Variants in ARHGAP42 observed in about 807,000 individuals in gnomAD.
The protein encoded by ARHGAP42 is Rho GTPase activating protein 42.
A neutral mutation model predicts 125.0 loss-of-function variants in ARHGAP42; 63 were observed. That is an observed-to-expected ratio of 0.50 (90% confidence interval 0.41 to 0.62). The LOEUF (loss-of-function observed/expected upper bound fraction) is 0.62. Among genes scored for constraint, ARHGAP42 ranks in the 20% least tolerant of loss-of-function variants. The pLI, the probability that ARHGAP42 is intolerant of heterozygous loss-of-function variation, is 0.00. For missense variants in ARHGAP42, 766 were observed against 1,024.2 expected, an observed-to-expected ratio of 0.75 and a Z score of 3.44; for synonymous variants, 339 against 351.0, an observed-to-expected ratio of 0.97 and a Z score of 0.38.
At position 100,976,141 on chromosome 11, in the gene ARHGAP42, C is replaced by T; in HGVS notation, c.1940C>T (p.Thr647Ile). The change falls in exon 20 of 24, where the codon ACT becomes ATT. Residue 647 changes from threonine to isoleucine, a missense_variant. This residue lies in a region of ARHGAP42 where 308 missense variants were observed against 369.7 expected (regional missense o/e 0.83). Coordinates refer to ENST00000298815, the MANE Select transcript of ARHGAP42 (RefSeq NM_152432.4). Reference sequence around the variant, plus strand: ...TCTCATTCCTCTGAACAAAATAGCACTACAAAGTCAGCTTCCTGCCAGCCC... The same window carrying T: ...TCTCATTCCTCTGAACAAAATAGCATTACAAAGTCAGCTTCCTGCCAGCCC... ...LSSHSSEQNSTTKSASCQPRE... is the reference protein window; with the variant it reads ...LSSHSSEQNSITKSASCQPRE... 6.4e-7 allele frequency: 1 copy of T among 1,551,656 alleles called. No homozygotes were observed. The highest frequency in any genetic ancestry group is 8.7e-7 in the Non-Finnish European group (1 of 1,146,856).
rs1861903204 is a variant in ARHGAP42 at position 100,728,713 on chromosome 11, C to CATAT, written c.154+40881_154+40882insATAT. Among the ~76,000 whole-genome samples, 96 of 95,292 alleles carry CATAT rather than the reference C, an allele frequency of 1.0e-3. 6 individuals are homozygous for CATAT. Among genetic ancestry groups the CATAT allele is most frequent in the East Asian group, 3.1e-3 (8 of 2,562 alleles). The allele number at this position is 95,292 out of a possible 152,430, so 62.5% of individuals were successfully genotyped here. A position where few individuals can be genotyped will look rare whatever the true frequency, so the allele number is the denominator to read the frequency against. On this transcript the variant is annotated intron_variant, in intron 1 of 23. Coordinates refer to ENST00000298815, the MANE Select transcript of ARHGAP42 (RefSeq NM_152432.4). ...AAGTGAAATTATATGAATGACTTTG[C>CATAT]GTATATATATATATATATATATATA...
chr11:100,929,580 A>G (rs1459441155), intron 6 of ARHGAP42, among the ~76,000 whole-genome samples: 1 of 152,144 alleles, frequency 6.6e-6, no homozygotes, highest in East Asian at 1.9e-4. Flanking sequence ...ACTTGCTATT[A>G]TCTCACTTTT....
chr11:100,946,548 A>G (rs1029769059), intron 10 of ARHGAP42, among the ~76,000 whole-genome samples: 1 of 152,026 alleles, frequency 6.6e-6, no homozygotes. Context: ...TCATTGTGAG[A>G]TTATTGATTG....
intron 5 of ARHGAP42, among the ~76,000 whole-genome samples, chr11:100,915,647 A>G (rs999372550): frequency 6.6e-6 from 1 of 152,184 alleles, no homozygotes; most frequent in Admixed American, 6.5e-5. Context: ...AGGCTATGGT[A>G]TAATAGAATA....
At position 100,884,769 on chromosome 11, in the gene ARHGAP42, G is replaced by A. The variant is rs546199203; in HGVS notation, c.384+25144G>A. ...TTTACCGTAATGAAATTTATCATTC[G>A]TATTTCAGAATATTTTCACATTCTT... On this transcript the variant is annotated intron_variant, in intron 4 of 23. Transcript: ENST00000298815. Among the ~76,000 whole-genome samples the A allele has an allele frequency of 2.8e-3, 429 of 152,018 alleles. 2 individuals are homozygous for A. Among genetic ancestry groups the A allele is most frequent in the Non-Finnish European group, 4.0e-3 (273 of 67,994 alleles).
intron 1 of ARHGAP42, among the ~76,000 whole-genome samples, chr11:100,769,856 G>A (rs7102634): frequency 0.26 from 39,287 of 151,166 alleles, 5,329 homozygotes; most frequent in Non-Finnish European, 0.3. Flanking sequence ...GGAGAGCATC[G>A]GGAAAAATAG....
chr11:100,988,946 G>T lies in ARHGAP42; in HGVS notation c.*145G>T, dbSNP rs2135339082. The T allele has an allele frequency of 4.0e-6, 2 of 499,186 alleles. No homozygotes were observed. Among genetic ancestry groups the T allele is most frequent in the Admixed American group, 3.4e-5 (1 of 29,006 alleles). 30.9% of individuals were successfully genotyped at this position (499,186 alleles called of 1,614,324 possible). ...AAGTTCTTCACCAGCAGACTATGTA[G>T]CTCCTTATTAATGGAAAAAAAGATT... On this transcript the variant is annotated 3_prime_UTR_variant, in exon 24 of 24. Transcript: ENST00000298815.
At chr11:100,893,428 G>A (rs941704652) in intron 4 of ARHGAP42, among the ~76,000 whole-genome samples, 9 of 151,884 alleles carry the variant, frequency 5.9e-5, no homozygotes, top group Admixed American at 2.0e-4. Flanking sequence ...TAATAAAATT[G>A]ATTAAGTTAG....
intron 1 of ARHGAP42, among the ~76,000 whole-genome samples, chr11:100,706,851 G>A (rs1023118188): frequency 6.6e-6 from 1 of 151,988 alleles, no homozygotes; most frequent in Non-Finnish European, 1.5e-5. Context: ...TCTAATCTTA[G>A]AATATTTCTA....
At chr11:100,711,366 G>C (rs1861563204) in intron 1 of ARHGAP42, among the ~76,000 whole-genome samples, 1 of 151,990 alleles carries the variant, frequency 6.6e-6, no homozygotes, top group Non-Finnish European at 1.5e-5. Context: ...AATCTTCTCT[G>C]TTTGTTTTTT....
chr11:100,699,432 G>T (rs1169497781), intron 1 of ARHGAP42, among the ~76,000 whole-genome samples: 2 of 135,142 alleles, frequency 1.5e-5, no homozygotes, highest in African/African-American at 2.7e-5. Flanking sequence ...TTTATATATA[G>T]AGAGATTAAT....
chr11:100,896,233 AG>A (rs201394343), intron 4 of ARHGAP42, among the ~76,000 whole-genome samples: 13,757 of 152,172 alleles, frequency 0.09, 864 homozygotes, highest in Non-Finnish European at 0.13. Flanking sequence ...TTCTTAATCC[AG>A]TCTATCATTG....
intron 3 of ARHGAP42, among the ~76,000 whole-genome samples, chr11:100,798,877 G>A (rs1416508025): frequency 6.6e-6 from 1 of 152,170 alleles, no homozygotes; most frequent in Non-Finnish European, 1.5e-5. Flanking sequence ...GAAGGTGGGT[G>A]TTATTAAGGT....
intron 10 of ARHGAP42, among the ~76,000 whole-genome samples, chr11:100,945,130 C>G (rs1353240453): frequency 6.6e-6 from 1 of 152,064 alleles, no homozygotes; most frequent in African/African-American, 2.4e-5. Context: ...GGAGAAGATT[C>G]CATCTCAGTA....
intron 12 of ARHGAP42, among the ~76,000 whole-genome samples, chr11:100,953,575 G>C (rs1857721287): frequency 6.6e-6 from 1 of 152,086 alleles, no homozygotes; most frequent in Non-Finnish European, 1.5e-5. Flanking sequence ...ATAAAACTAT[G>C]CTGTGACTGT....
chr11:100,865,020 G>C (rs1282914359), intron 4 of ARHGAP42, among the ~76,000 whole-genome samples: 7 of 152,016 alleles, frequency 4.6e-5, no homozygotes, highest in Admixed American at 2.6e-4. Flanking sequence ...TTTTTAATAA[G>C]ACGTTAATAA....
At chr11:100,931,629 A>G (rs1373047509) in intron 6 of ARHGAP42, among the ~76,000 whole-genome samples, 1 of 152,234 alleles carries the variant, frequency 6.6e-6, no homozygotes, top group Non-Finnish European at 1.5e-5. Context: ...TGGATTAATT[A>G]TAAATGGTAA....
chr11:100,881,624 T>C (rs1040954072), intron 4 of ARHGAP42, among the ~76,000 whole-genome samples: 16 of 152,106 alleles, frequency 1.1e-4, no homozygotes, highest in African/African-American at 3.9e-4. Flanking sequence ...AATGATGGTG[T>C]CATTTTGATG....
intron 1 of ARHGAP42, among the ~76,000 whole-genome samples, chr11:100,743,712 GT>G: frequency 6.6e-6 from 1 of 151,986 alleles, no homozygotes; most frequent in East Asian, 1.9e-4. Flanking sequence ...TTTTTCTTAG[GT>G]TTGGCCATTT....
Sources: gnomAD v4.1 joint callset for allele counts (sites outside exome capture counted in the v4.1 genomes callset) on GRCh38, gnomAD v4.1.1 for gene constraint, gnomAD v4.1.1 regional missense constraint, MANE v1.5 for transcripts, NCBI Gene and HGNC (gene_info 2026-07-23, HGNC 2026-07-21) for gene names.